Variants in ODF2 observed in about 807,000 individuals in gnomAD.
ODF2 encodes the protein outer dense fiber protein 2.
Under a neutral mutation model 110.2 loss-of-function variants are expected in ODF2, and 47 were observed. The ratio of observed to expected loss-of-function variants is 0.43; its 90% CI spans 0.34 to 0.54. The LOEUF (loss-of-function observed/expected upper bound fraction) is 0.54, where lower values mean the gene tolerates loss of function less well. Ranked by LOEUF, ODF2 falls within the 20% of genes least tolerant of loss-of-function variation. The pLI is 0.03. For synonymous variants in ODF2, 352 were observed against 397.7 expected (o/e 0.89, Z 1.37); for missense variants, 812 against 1,054.5 (o/e 0.77, Z 3.19).
intron 6 of ODF2, 22 bp downstream of exon 6, chr9:128,471,490 C>T (rs761995979): frequency 1.2e-6 from 2 of 1,606,060 alleles, no homozygotes; most frequent in Non-Finnish European, 1.7e-6. Context: ...CCTGCTCTGT[C>T]CCCGCTGATC....
chr9:128,499,147 G>T (rs372091162), intron 20 of ODF2, 21 bp downstream of exon 20: 13 of 1,613,784 alleles, frequency 8.1e-6, no homozygotes, highest in Non-Finnish European at 1.1e-5. Context: ...CTGGTGGGCC[G>T]GGCTAGGAGA....
chr9:128,456,975 C>T, intron 1 of ODF2: 1 of 1,240,264 alleles, frequency 8.1e-7, no homozygotes. Flanking sequence ...CGGCTCCCTG[C>T]GCGGTTCTGG....
Position 128,472,973 on chromosome 9 carries a change from G to A in ODF2, c.642G>A (p.Ala214=), listed in dbSNP as rs753246588. Residue 214 remains alanine (A), a synonymous_variant, in exon 7 of 21, where the codon GCG becomes GCA. Transcript: ENST00000604420. ...GCCTCATGTCCAAGCTGGTGGAGGC[G>A]GAAATGGATGGGGCTGCGGCTGCCA... 48 of 1,614,010 alleles carry A rather than the reference G, an allele frequency of 3.0e-5. No individual in the cohort carries two copies. The Admixed American group carries it at 4.3e-4, about 15-fold the overall frequency.
chr9:128,473,370 T>C (rs545700047), intron 7 of ODF2: 2 of 685,862 alleles, frequency 2.9e-6, no homozygotes, highest in South Asian at 1.3e-4. Context: ...CTGCCCTGAC[T>C]GTGCTCACCC....
At position 128,459,560 on chromosome 9, in the gene ODF2, G is replaced by C. The variant is rs756569135; in HGVS notation, c.33-7G>C. On this transcript the variant is annotated splice_region_variant and splice_polypyrimidine_tract_variant and intron_variant, in intron 2 of 20. Transcript: ENST00000604420. The stretch of plus-strand genomic sequence containing the variant: ...GCTTACAATCTGGTTCTTGTGCCTG[G>C]GTGCAGGTTTCCATCGTGTGGGAAG... The C allele has an allele frequency of 1.4e-5, 23 of 1,612,548 alleles. No individual in the cohort carries two copies. The South Asian group carries it at 2.5e-4, about 18-fold the overall frequency.
At chr9:128,482,734 G>A in intron 9 of ODF2, 82 bp from the exon 10 acceptor site, 2 of 1,047,946 alleles carry the variant, frequency 1.9e-6, no homozygotes, top group Non-Finnish European at 2.9e-6. Context: ...CCAGTGGCCA[G>A]GTACTCACAA....
At chr9:128,471,604 C>T (rs1227956947) in intron 6 of ODF2, 136 bp downstream of exon 6, 1 of 707,878 alleles carries the variant, frequency 1.4e-6, no homozygotes, top group Non-Finnish European at 2.3e-6. Flanking sequence ...GTTCAACAGT[C>T]ACACAATTAA....
chr9:128,481,623 G>C, exon 9 of ODF2: 1 of 1,614,018 alleles, frequency 6.2e-7, no homozygotes, highest in Middle Eastern at 1.6e-4. Flanking sequence ...CTGCTGAAAC[G>C]GCTGGCGGAG....
chr9:128,456,004 TC>T, upstream of ODF2: 1 of 1,418,366 alleles, frequency 7.1e-7, no homozygotes, highest in Non-Finnish European at 9.2e-7. Context: ...GGGCGGCCCT[TC>T]TGGCGGGGCG....
intron 2 of ODF2, among the ~76,000 whole-genome samples, chr9:128,458,177 G>A (rs1835441827): frequency 6.6e-6 from 1 of 152,050 alleles, no homozygotes. Flanking sequence ...GGGGCCAGGT[G>A]CGGTGGCTCA....
rs377117945 is a variant in ODF2, at chr9:128,494,715, C to G, written c.1911+47C>G. Reference sequence around the variant, plus strand: ...TCCCACGAACTGACCCGAGCAGGGGCCCGCATACCAAGATGAGCTGCACGC... The same window carrying G: ...TCCCACGAACTGACCCGAGCAGGGGGCCGCATACCAAGATGAGCTGCACGC... On this transcript the variant is annotated intron_variant, in intron 17 of 20. Transcript: ENST00000604420. This position sits in a 1 kb window ranked among gnomAD's most constrained non-coding sequence, Gnocchi z 4.6. 3 of 1,613,976 alleles carry G rather than the reference C, an allele frequency of 1.9e-6. No individual in the cohort carries two copies. The highest frequency in any genetic ancestry group is 1.7e-5 in the Admixed American group (1 of 60,010).
exon 1 of ODF2, chr9:128,456,210 A>G: frequency 3.2e-6 from 5 of 1,547,698 alleles, no homozygotes; most frequent in Admixed American, 2.0e-5. Flanking sequence ...TCCGACTTCA[A>G]CGACTTCATA....
At chr9:128,457,624 C>T (rs971383094) in intron 2 of ODF2, among the ~76,000 whole-genome samples, 36 of 152,172 alleles carry the variant, frequency 2.4e-4, no homozygotes, top group African/African-American at 8.4e-4. Flanking sequence ...GCTCTACCTC[C>T]CTCGCTCCTT....
At chr9:128,496,871 G>GCATA (rs1311635561) in intron 18 of ODF2, among the ~76,000 whole-genome samples, 4 of 152,132 alleles carry the variant, frequency 2.6e-5, no homozygotes, top group Non-Finnish European at 4.4e-5. Flanking sequence ...GGGACTACAG[G>GCATA]CGTATGCCAC....
At chr9:128,480,374 G>A (rs568516162) in intron 8 of ODF2, among the ~76,000 whole-genome samples, 2 of 152,138 alleles carry the variant, frequency 1.3e-5, no homozygotes, top group African/African-American at 4.8e-5. Context: ...CATCCATCAC[G>A]TCACATGGTT....
At chr9:128,455,743 C>CTGGATT (rs1014692363), upstream of ODF2, among the ~76,000 whole-genome samples, 1 of 151,992 alleles carries the variant, frequency 6.6e-6, no homozygotes, top group African/African-American at 2.4e-5. Flanking sequence ...AGGGGCAGGG[C>CTGGATT]TGGATTTTCG....
intron 3 of ODF2, 89 bp downstream of exon 3, chr9:128,460,755 T>A: frequency 6.4e-7 from 1 of 1,561,994 alleles, no homozygotes; most frequent in Non-Finnish European, 8.7e-7. Context: ...CTCCAAAGGT[T>A]TGGGAGACAA....
At chr9:128,456,048 G>C (rs1286882627), upstream of ODF2, 2 of 1,486,772 alleles carry the variant, frequency 1.3e-6, no homozygotes, top group South Asian at 1.3e-5. Flanking sequence ...GCTGGGCCTC[G>C]ATGGCGAAAC....
At chr9:128,492,047 A>G (rs997844359) in intron 14 of ODF2, among the ~76,000 whole-genome samples, 5 of 151,610 alleles carry the variant, frequency 3.3e-5, no homozygotes, top group Non-Finnish European at 7.4e-5. Flanking sequence ...TTGTACCTTT[A>G]GTAGAGACAG....
Sources: gnomAD v4.1 joint callset for allele counts (sites outside exome capture counted in the v4.1 genomes callset) on GRCh38, gnomAD v4.1.1 for gene constraint, Gnocchi (gnomAD v3.1) non-coding constraint, MANE v1.5 for transcripts, NCBI Gene and HGNC (gene_info 2026-07-23, HGNC 2026-07-21) for gene names.